MCF2L: variants seen among roughly 807,000 people sequenced by gnomAD.
MCF2L encodes the protein MCF.2 cell line derived transforming sequence like.
A neutral mutation model predicts 153.4 loss-of-function variants in MCF2L; 97 were observed. That is an observed-to-expected ratio of 0.63 (90% CI 0.54 to 0.75). MCF2L has a LOEUF of 0.75. MCF2L is among the 30% of genes least tolerant of loss of function. The probability of loss-of-function intolerance (pLI) is 0.00; values close to 1 mark genes in which losing one functional copy is unlikely to be tolerated. For synonymous variants in MCF2L, 659 were observed against 632.2 expected, an observed-to-expected ratio of 1.04 and a Z score of -0.64; for missense variants, 1,347 against 1,495.2, an observed-to-expected ratio of 0.90 and a Z score of 1.64.
chr13:113,005,182 A>C (rs1285498690), intron 1 of MCF2L, among the ~76,000 whole-genome samples: 1 of 152,252 alleles, frequency 6.6e-6, no homozygotes, highest in Admixed American at 6.5e-5. Context: ...CATTCGAGAC[A>C]GCACGGATGA....
At chr13:113,069,432 A>T (rs2032623682) in intron 8 of MCF2L, among the ~76,000 whole-genome samples, 1 of 54,346 alleles carries the variant, frequency 1.8e-5, no homozygotes, top group African/African-American at 9.1e-5. Flanking sequence ...TGGGTGGTGC[A>T]CAGCTGGAGT....
intron 1 of MCF2L, among the ~76,000 whole-genome samples, chr13:113,005,392 G>A (rs12019546): frequency 0.25 from 38,397 of 152,084 alleles, 4,828 homozygotes; most frequent in East Asian, 0.32. Context: ...AGTTTCCGTT[G>A]TGCCAAATGA....
Position 113,046,681 on chromosome 13 carries a change from G to C in MCF2L, c.369+1320G>C. On this transcript the variant is annotated intron_variant, in intron 4 of 29. Coordinates refer to ENST00000535094, the MANE Select transcript of MCF2L (RefSeq NM_001112732.3). This position sits in a 1 kb window ranked among gnomAD's most constrained non-coding sequence, Gnocchi z 4.4. ...TGTCCCTGAGCCGCTGGTTCTCATCGAAGTCTTTAGGATGAGGCATCTCCT... is the reference window on the plus strand; with the variant it reads ...TGTCCCTGAGCCGCTGGTTCTCATCCAAGTCTTTAGGATGAGGCATCTCCT... 2 of 532,142 alleles carry C rather than the reference G, an allele frequency of 3.8e-6. No homozygotes were observed. Among genetic ancestry groups the C allele is most frequent in the Admixed American group, 3.9e-5 (2 of 51,334 alleles). 33.0% of individuals were successfully genotyped at this position (532,142 alleles called of 1,614,324 possible). A position where few individuals can be genotyped will look rare whatever the true frequency, so the allele number is the denominator to read the frequency against.
At chr13:113,092,827 G>A (rs1224459095) in intron 26 of MCF2L, among the ~76,000 whole-genome samples, 7 of 152,222 alleles carry the variant, frequency 4.6e-5, no homozygotes, top group Admixed American at 2.0e-4. Flanking sequence ...TTGATGGCCC[G>A]CAGAGAGGCT....
At chr13:113,044,607 AG>A in intron 3 of MCF2L, 1 of 1,565,764 alleles carries the variant, frequency 6.4e-7, no homozygotes, top group Non-Finnish European at 8.6e-7. Flanking sequence ...TTGGCTGCAG[AG>A]TGAGCCCACG....
Position 112,943,540 on chromosome 13 carries a change from C to T in MCF2L, c.169+41169C>T, listed in dbSNP as rs966811794. On this transcript the variant is annotated intron_variant, in intron 2 of 29. Coordinates refer to the MCF2L transcript ENST00000375608. This position sits in a 1 kb window ranked among gnomAD's most constrained non-coding sequence, Gnocchi z 4.2. ...CGCGGTGCCTTCCAGGGAGGCTGCGCCTGCAGCACCGCAGCCAGAGCCGAG... is the reference window on the plus strand; with the variant it reads ...CGCGGTGCCTTCCAGGGAGGCTGCGTCTGCAGCACCGCAGCCAGAGCCGAG... Among the ~76,000 whole-genome samples, 1 of 152,070 alleles carries T rather than the reference C, an allele frequency of 6.6e-6. No individual in the cohort carries two copies. Among genetic ancestry groups the T allele is most frequent in the Middle Eastern group, 3.2e-3 (1 of 316 alleles).
rs150607764 is a variant in MCF2L at position 112,931,652 on chromosome 13, C to T, written c.169+29281C>T. On this transcript the variant is annotated intron_variant, in intron 2 of 29. Transcript: ENST00000375608. ...CCACGAGCGTCCCCAGTGGCCAGAT[C>T]TTGGTTTCTAATTCCATTCTTCAGT... is the stretch of plus-strand genomic sequence containing the variant. 2.2e-3 allele frequency among the ~76,000 whole-genome samples: 329 copies of T among 152,320 alleles called. 7 individuals carry two copies. In the East Asian group the frequency reaches 0.034, roughly 16 times the overall value.
rs570094936 is a variant in MCF2L at position 113,016,975 on chromosome 13, C to A, written c.163+2129C>A. On this transcript the variant is annotated intron_variant, in intron 2 of 29. Coordinates refer to ENST00000535094, the MANE Select transcript of MCF2L (RefSeq NM_001112732.3). The stretch of plus-strand genomic sequence containing the variant: ...CATGTACTGAGGGCTCAGCCATGGG[C>A]CCATCTGGGGTGGGACCCTGGCACA... Among the ~76,000 whole-genome samples, 15 of 152,306 alleles carry A rather than the reference C, an allele frequency of 9.8e-5. No individual in the cohort carries two copies. In the East Asian group the frequency reaches 2.7e-3, roughly 27 times the overall value.
intron 1 of MCF2L, chr13:112,979,687 C>A: frequency 6.2e-7 from 1 of 1,612,962 alleles, no homozygotes; most frequent in Non-Finnish European, 8.5e-7. Context: ...AAGGGAGCAT[C>A]CCGGGGAACC....
rs931099133 is a variant in MCF2L, at chr13:112,904,112, C to T, written c.169+1741C>T. Among the ~76,000 whole-genome samples, 2 of 151,024 alleles carry T rather than the reference C, an allele frequency of 1.3e-5. No homozygotes were observed. The highest frequency in any genetic ancestry group is 4.9e-5 in the African/African-American group (2 of 40,874). On this transcript the variant is annotated intron_variant, in intron 2 of 29. Coordinates refer to the MCF2L transcript ENST00000375608. This position sits in a 1 kb window ranked among gnomAD's most constrained non-coding sequence, Gnocchi z 4.2. ...GTCTCGCGTGGACCAGCTCTGGGGACTGAGGAGCTGGCCGCGGTTAGGGTT... is the reference window on the plus strand; with the variant it reads ...GTCTCGCGTGGACCAGCTCTGGGGATTGAGGAGCTGGCCGCGGTTAGGGTT...
At chr13:112,939,352 C>G (rs1190593363) in intron 2 of MCF2L, among the ~76,000 whole-genome samples, 1 of 152,126 alleles carries the variant, frequency 6.6e-6, no homozygotes, top group Non-Finnish European at 1.5e-5. Context: ...ATCCCTGGAC[C>G]CTACCCACTC....
At chr13:113,000,425 G>T (rs147018831) in intron 1 of MCF2L, among the ~76,000 whole-genome samples, 1 of 152,226 alleles carries the variant, frequency 6.6e-6, no homozygotes, top group Admixed American at 6.5e-5. Context: ...GGACCCAGGC[G>T]TGGAGGAAGC....
Position 112,904,087 on chromosome 13 carries a change from G to A in MCF2L, c.169+1716G>A, listed in dbSNP as rs2081147026. Reference sequence around the variant, plus strand: ...CTGGTGCCTTTCCCTGAGCGCCCAAGTCTCGCGTGGACCAGCTCTGGGGAC... The same window carrying A: ...CTGGTGCCTTTCCCTGAGCGCCCAAATCTCGCGTGGACCAGCTCTGGGGAC... On this transcript the variant is annotated intron_variant, in intron 2 of 29. Coordinates refer to the MCF2L transcript ENST00000375608. This position sits in a 1 kb window ranked among gnomAD's most constrained non-coding sequence, Gnocchi z 4.2. Among the ~76,000 whole-genome samples, 1 of 152,058 alleles carries A rather than the reference G, an allele frequency of 6.6e-6. No homozygotes were observed. The highest frequency in any genetic ancestry group is 2.1e-4 in the South Asian group (1 of 4,818).
chr13:113,090,113 G>A (rs2035060625), intron 26 of MCF2L: 2 of 1,548,264 alleles, frequency 1.3e-6, no homozygotes, highest in Admixed American at 2.0e-5. Context: ...GCGCTTTCCA[G>A]AAAGCGCTTT....
intron 2 of MCF2L, among the ~76,000 whole-genome samples, chr13:112,918,517 G>A (rs1462482168): frequency 6.6e-6 from 1 of 152,144 alleles, no homozygotes; most frequent in African/African-American, 2.4e-5. Context: ...GAGTAGGGAG[G>A]GGACCACACC....
intron 2 of MCF2L, among the ~76,000 whole-genome samples, chr13:113,018,055 C>T (rs939083839): frequency 6.6e-6 from 1 of 152,226 alleles, no homozygotes; most frequent in Non-Finnish European, 1.5e-5. Context: ...GTCCCGTCTT[C>T]TCCCTCCATT....
intron 1 of MCF2L, among the ~76,000 whole-genome samples, chr13:112,991,604 G>T (rs140704824): frequency 6.1e-4 from 93 of 152,344 alleles, no homozygotes; most frequent in African/African-American, 2.0e-3. Flanking sequence ...GTTTGCAAAT[G>T]ATTTTATAAA....
chr13:113,077,057 C>G lies in MCF2L; in HGVS notation c.1506C>G (p.His502Gln). Residue 502 changes from histidine (H) to glutamine (Q), a missense_variant, in exon 13 of 30, where the codon CAC becomes CAG. By Grantham distance (24) the His-to-Gln change is conservative. Coordinates refer to ENST00000535094, the MANE Select transcript of MCF2L (RefSeq NM_001112732.3). ...TACTGAGCATGCGGTTTCAGGAGCACGTGCGAAAGGTCTTCCAGAAGCAGG... is the reference window on the plus strand; with the variant it reads ...TACTGAGCATGCGGTTTCAGGAGCAGGTGCGAAAGGTCTTCCAGAAGCAGG... Reference protein sequence around the residue: ...ESILNQDLMEHVRKVFQKQAS... With the variant: ...ESILNQDLMEQVRKVFQKQAS... 6.2e-7 allele frequency: 1 copy of G among 1,610,428 alleles called. No individual in the cohort carries two copies. The highest frequency in any genetic ancestry group is 8.5e-7 in the Non-Finnish European group (1 of 1,178,354).
At chr13:113,050,287 A>AGTGTGAGAGTGTGTGTGTGTGAGAGT (rs74276773) in intron 4 of MCF2L, among the ~76,000 whole-genome samples, 16 of 48,352 alleles carry the variant, frequency 3.3e-4, no homozygotes, top group Non-Finnish European at 1.3e-4. Context: ...TGTGAGTGTG[A>AGTGTGAGAGTGTGTGTGTGTGAGAGT]GAGTGTGTGT....
Sources: allele counts gnomAD v4.1 joint callset (sites outside exome capture counted in the v4.1 genomes callset), GRCh38; gene constraint gnomAD v4.1.1; non-coding constraint Gnocchi (gnomAD v3.1); transcripts MANE v1.5; gene names NCBI Gene and HGNC (gene_info 2026-07-23, HGNC 2026-07-21).